ANKRD6: variants seen among roughly 807,000 people sequenced by gnomAD.
ANKRD6 encodes ankyrin repeat domain-containing protein 6.
Under a neutral mutation model 82.3 loss-of-function variants are expected in ANKRD6, and 56 were observed. The ratio of observed to expected loss-of-function variants is 0.68; its 90% CI spans 0.55 to 0.85. The LOEUF is 0.85. Ranked by LOEUF, ANKRD6 falls within the 40% of genes least tolerant of loss-of-function variation. ANKRD6 has a pLI of 0.00. For missense variants in ANKRD6, 852 were observed against 907.6 expected (o/e 0.94, Z 0.79); for synonymous variants, 347 against 352.1 (o/e 0.99, Z 0.16).
chr6:89,546,421 G>A (rs890190511), intron 1 of ANKRD6, among the ~76,000 whole-genome samples: 10 of 151,908 alleles, frequency 6.6e-5, no homozygotes, highest in African/African-American at 2.4e-4. Context: ...TGTGGTGGGC[G>A]GGGGGACAGA....
chr6:89,530,625 CA>C (rs1396627549), intron 1 of ANKRD6, among the ~76,000 whole-genome samples: 1 of 152,176 alleles, frequency 6.6e-6, no homozygotes, highest in African/African-American at 2.4e-5. Flanking sequence ...GTGCAGTGCC[CA>C]GACAGCACCA....
At chr6:89,502,550 T>C (rs546484398) in intron 1 of ANKRD6, among the ~76,000 whole-genome samples, 1 of 152,212 alleles carries the variant, frequency 6.6e-6, no homozygotes, top group African/African-American at 2.4e-5. Flanking sequence ...TAGGTCCAAA[T>C]CCCTATCTAC....
At chr6:89,563,342 A>G (rs141370787) in intron 1 of ANKRD6, among the ~76,000 whole-genome samples, 90 of 152,304 alleles carry the variant, frequency 5.9e-4, no homozygotes, top group African/African-American at 2.1e-3. Flanking sequence ...ATCCCTATCT[A>G]GATTCAGAAT....
intron 1 of ANKRD6, among the ~76,000 whole-genome samples, chr6:89,548,959 C>T (rs1294691275): frequency 6.6e-6 from 1 of 152,162 alleles, no homozygotes; most frequent in African/African-American, 2.4e-5. Context: ...GTAATCCCAG[C>T]ACTTCAAGAG....
chr6:89,495,850 C>A (rs1778549808), intron 1 of ANKRD6, among the ~76,000 whole-genome samples: 1 of 152,134 alleles, frequency 6.6e-6, no homozygotes, highest in Admixed American at 6.5e-5. Flanking sequence ...TTTACAACCA[C>A]CTGCAAGTTA....
chr6:89,466,601 A>C (rs1248591230), intron 1 of ANKRD6, among the ~76,000 whole-genome samples: 1 of 152,138 alleles, frequency 6.6e-6, no homozygotes. Context: ...TTTATTCTGT[A>C]TGTATGTGAA....
At chr6:89,476,176 TTTTTGTTTTG>T (rs550867954) in intron 1 of ANKRD6, among the ~76,000 whole-genome samples, 1 of 152,108 alleles carries the variant, frequency 6.6e-6, no homozygotes, top group Non-Finnish European at 1.5e-5. Flanking sequence ...TGTTTTTGTT[TTTTTGTTTTG>T]TTTTGTTTTG....
intron 1 of ANKRD6, among the ~76,000 whole-genome samples, chr6:89,465,364 G>T (rs1218998453): frequency 1.3e-5 from 2 of 151,692 alleles, no homozygotes; most frequent in Non-Finnish European, 2.9e-5. Flanking sequence ...CAAGTGATCC[G>T]CCCACCTCAG....
intron 1 of ANKRD6, among the ~76,000 whole-genome samples, chr6:89,484,982 C>T (rs963476906): frequency 6.6e-6 from 1 of 152,176 alleles, no homozygotes; most frequent in Non-Finnish European, 1.5e-5. Flanking sequence ...GTTCTCAACT[C>T]AGGGGCCCTT....
At chr6:89,532,966 C>T (rs1485242890) in intron 1 of ANKRD6, among the ~76,000 whole-genome samples, 1 of 151,976 alleles carries the variant, frequency 6.6e-6, no homozygotes, top group East Asian at 1.9e-4. Context: ...CTCCGCCTCC[C>T]AGGTTCAAGC....
intron 1 of ANKRD6, among the ~76,000 whole-genome samples, chr6:89,525,939 G>A (rs180990711): frequency 7.7e-4 from 118 of 152,306 alleles, no homozygotes; most frequent in African/African-American, 2.8e-3. Flanking sequence ...AGTGGTCTGG[G>A]TTGTAAATCA....
At chr6:89,598,701 C>T (rs190025711) in intron 3 of ANKRD6, among the ~76,000 whole-genome samples, 190 of 152,346 alleles carry the variant, frequency 1.2e-3, no homozygotes, top group African/African-American at 4.4e-3. Flanking sequence ...TGGCAGTTCA[C>T]GTACTTCGCA....
chr6:89,630,045 T>G (rs1468239720), intron 15 of ANKRD6, among the ~76,000 whole-genome samples: 13 of 152,222 alleles, frequency 8.5e-5, no homozygotes, highest in Non-Finnish European at 1.5e-4. Flanking sequence ...GGAATACATA[T>G]TCTCATAGAT....
chr6:89,476,731 C>CA (rs1311063608), intron 1 of ANKRD6, among the ~76,000 whole-genome samples: 1 of 152,020 alleles, frequency 6.6e-6, no homozygotes, highest in African/African-American at 2.4e-5. Context: ...TTGGAAGACA[C>CA]AAAAAAATAG....
In ANKRD6 at chr6:89,613,851, C is replaced by T. The variant is rs762837092; in HGVS notation, c.576C>T (p.Leu192=). The T allele has an allele frequency of 9.3e-6, 15 of 1,613,952 alleles. No homozygotes were observed. Among genetic ancestry groups the T allele is most frequent in the African/African-American group, 1.3e-5 (1 of 74,950 alleles). ...ATAATCACTTGTCCATCATTAGGCT[C>T]CTCCTCACTGCTTTCTGTTCTGTCC... The part of the protein sequence containing the change: ...ARYNHLSIIR[L]LLTAFCSVHE... Residue 192 remains leucine, a synonymous_variant, in exon 7 of 16, where the codon CTC becomes CTT. Coordinates refer to ENST00000339746, the MANE Select transcript of ANKRD6 (RefSeq NM_001242809.2).
At chr6:89,626,159 G>C (rs1220080954) in intron 13 of ANKRD6, among the ~76,000 whole-genome samples, 1 of 152,046 alleles carries the variant, frequency 6.6e-6, no homozygotes, top group Non-Finnish European at 1.5e-5. Flanking sequence ...TTATAGAAAG[G>C]CCATTTTAAA....
At chr6:89,502,411 T>A (rs1278448464) in intron 1 of ANKRD6, among the ~76,000 whole-genome samples, 1 of 152,166 alleles carries the variant, frequency 6.6e-6, no homozygotes, top group Admixed American at 6.5e-5. Context: ...TTTGGGAGGC[T>A]GAAGCAGGTG....
At chr6:89,454,278 G>A (rs1387941577) in intron 1 of ANKRD6, among the ~76,000 whole-genome samples, 2 of 152,146 alleles carry the variant, frequency 1.3e-5, no homozygotes, top group Non-Finnish European at 2.9e-5. Context: ...TCTTCTATAT[G>A]TAACTCTGTT....
At position 89,626,028 on chromosome 6, in the gene ANKRD6, C is replaced by G. The variant is rs567312926; in HGVS notation, c.1371+1337C>G. Among the ~76,000 whole-genome samples the G allele has an allele frequency of 8.2e-4, 125 of 152,252 alleles. 1 individual carries two copies. Among genetic ancestry groups the G allele is most frequent in the South Asian group, 2.7e-3 (13 of 4,814 alleles). ...GGGATTTTAGGTGTGATCCACCATG[C>G]CCTGCCCTTTTTTTAAAAAAGTTTT... On this transcript the variant is annotated intron_variant, in intron 13 of 15. Coordinates refer to ENST00000339746, the MANE Select transcript of ANKRD6 (RefSeq NM_001242809.2).
Sources: allele counts gnomAD v4.1 joint callset (sites outside exome capture counted in the v4.1 genomes callset), GRCh38; gene constraint gnomAD v4.1.1; transcripts MANE v1.5; gene names NCBI Gene and HGNC (gene_info 2026-07-23, HGNC 2026-07-21).